The following FOLH1 variants were observed in gnomAD, a reference collection of about 807,000 sequenced individuals.
FOLH1 encodes folate hydrolase 1.
Under a neutral mutation model 93.9 loss-of-function variants are expected in FOLH1, and 54 were observed. The ratio of observed to expected loss-of-function variants is 0.57; its 90% CI spans 0.46 to 0.72. The LOEUF (loss-of-function observed/expected upper bound fraction) is 0.72, where lower values mean the gene tolerates loss of function less well. FOLH1 is among the 30% of genes least tolerant of loss of function. FOLH1 has a pLI of 0.00. For synonymous variants in FOLH1, 249 were observed against 303.6 expected (o/e 0.82, Z 1.87); for missense variants, 571 against 892.5 (o/e 0.64, Z 4.59).
intron 17 of FOLH1, 32 bp downstream of exon 17, chr11:49,153,814 T>C (rs772351958): frequency 8.3e-6 from 12 of 1,446,262 alleles, no homozygotes; most frequent in Non-Finnish European, 1.1e-5. Context: ...TACACACACA[T>C]ACACACATAT....
At chr11:49,170,225 T>A (rs1449574357) in intron 11 of FOLH1, among the ~76,000 whole-genome samples, 2 of 152,236 alleles carry the variant, frequency 1.3e-5, no homozygotes, top group East Asian at 3.8e-4. Flanking sequence ...ACTTTTCAAA[T>A]GGCTTAGTAA....
intron 10 of FOLH1, 71 bp downstream of exon 10, chr11:49,173,286 T>C: frequency 1.4e-6 from 2 of 1,452,862 alleles, no homozygotes; most frequent in Non-Finnish European, 1.8e-6. Context: ...AGTATTTTTA[T>C]ACTCCCTTTA....
At chr11:49,153,263 T>C (rs986236764) in intron 17 of FOLH1, among the ~76,000 whole-genome samples, 7 of 151,522 alleles carry the variant, frequency 4.6e-5, no homozygotes, top group Non-Finnish European at 1.0e-4. Flanking sequence ...ATGTTTAACA[T>C]TTCCAAAATT....
chr11:49,194,668 T>A (rs1043178933), intron 3 of FOLH1, among the ~76,000 whole-genome samples: 23 of 151,982 alleles, frequency 1.5e-4, no homozygotes, highest in African/African-American at 5.5e-4. Flanking sequence ...GAAAAAAGAA[T>A]AATTAAAAAG....
At chr11:49,165,475 C>T (rs1050979635) in intron 12 of FOLH1, among the ~76,000 whole-genome samples, 8 of 152,140 alleles carry the variant, frequency 5.3e-5, no homozygotes, top group African/African-American at 1.7e-4. Context: ...AAGTGAAGCA[C>T]CCAGGAGAGG....
At chr11:49,194,245 G>A (rs1347857653) in intron 3 of FOLH1, among the ~76,000 whole-genome samples, 1 of 151,634 alleles carries the variant, frequency 6.6e-6, no homozygotes, top group Non-Finnish European at 1.5e-5. Flanking sequence ...GGAAAAAAGG[G>A]TTCCAGATAA....
In FOLH1 at chr11:49,145,304, C is replaced by G. The variant is rs3872565; in HGVS notation, c.*1452G>C. Among the ~76,000 whole-genome samples the G allele has an allele frequency of 0.036, 5,417 of 152,062 alleles. 131 individuals are homozygous for G. The highest frequency in any genetic ancestry group is 0.055 in the Non-Finnish European group (3,720 of 67,974). On this transcript the variant is annotated 3_prime_UTR_variant, in exon 19 of 19. Transcript: ENST00000256999. ...TTTTCAATCTGCTTTCTGTGTGCAC[C>G]CTTGGCAAACTCTGGCAATGCAAAT...
intron 17 of FOLH1, among the ~76,000 whole-genome samples, 191 bp from the exon 18 acceptor site, chr11:49,148,922 T>A (rs1856102825): frequency 6.6e-6 from 1 of 152,150 alleles, no homozygotes; most frequent in Non-Finnish European, 1.5e-5. Flanking sequence ...GCCCTCCTCC[T>A]TTGTGGAATT....
intron 16 of FOLH1, 124 bp from the exon 17 acceptor site, chr11:49,154,051 T>C (rs1167778411): frequency 1.5e-6 from 2 of 1,318,694 alleles, no homozygotes; most frequent in African/African-American, 3.0e-5. Context: ...GGTATTTATA[T>C]TTTTATATTA....
At chr11:49,190,853 G>A (rs560858435) in intron 4 of FOLH1, among the ~76,000 whole-genome samples, 1 of 152,274 alleles carries the variant, frequency 6.6e-6, no homozygotes, top group Admixed American at 6.5e-5. Flanking sequence ...ACGGAATCTA[G>A]CTCTGTCGCC....
intron 3 of FOLH1, among the ~76,000 whole-genome samples, chr11:49,194,718 C>G (rs901050175): frequency 6.6e-6 from 1 of 151,794 alleles, no homozygotes; most frequent in Non-Finnish European, 1.5e-5. Context: ...TACCAATTGA[C>G]AAGCAGTGAC....
chr11:49,148,433 G>C (rs1856023042), intron 18 of FOLH1, among the ~76,000 whole-genome samples: 1 of 150,868 alleles, frequency 6.6e-6, no homozygotes, highest in African/African-American at 2.4e-5. Flanking sequence ...TTTATAATCA[G>C]AACAAAGATA....
intron 13 of FOLH1, 122 bp downstream of exon 13, chr11:49,164,583 T>C: frequency 9.2e-6 from 6 of 655,090 alleles, no homozygotes; most frequent in African/African-American, 1.8e-5. Flanking sequence ...AGATGTGATG[T>C]CATATATGTT....
In FOLH1 at chr11:49,193,667, GA is replaced by G. The variant is rs200332574; in HGVS notation, c.412-774del. The stretch of plus-strand genomic sequence containing the variant: ...TTTTTTTAAGTTTAAAATTAAATTG[GA>G]AAAAAAATAGTAAGGAATATTCAGA... On this transcript the variant is annotated intron_variant, in intron 3 of 18. Transcript: ENST00000256999. 7.9e-3 allele frequency among the ~76,000 whole-genome samples: 1,199 copies of G among 151,268 alleles called. 16 individuals are homozygous for G. The highest frequency in any genetic ancestry group is 0.027 in the African/African-American group (1,124 of 41,216).
intron 2 of FOLH1, among the ~76,000 whole-genome samples, chr11:49,201,253 A>AAGAT (rs1555010801): frequency 1.7e-4 from 18 of 108,448 alleles, no homozygotes; most frequent in African/African-American, 4.7e-5. Context: ...GTAGCATGAA[A>AAGAT]AGATATATAT....
At chr11:49,148,775 T>C (rs778050186) in intron 17 of FOLH1, 44 bp from the exon 18 acceptor site, 1 of 1,483,604 alleles carries the variant, frequency 6.7e-7, no homozygotes, top group East Asian at 2.4e-5. Flanking sequence ...TGAAAATATG[T>C]TTCTACTCAG....
intron 17 of FOLH1, among the ~76,000 whole-genome samples, chr11:49,151,429 GACAC>G (rs58768462): frequency 1.1e-4 from 17 of 151,504 alleles, no homozygotes; most frequent in African/African-American, 3.9e-4. Context: ...CACACACACA[GACAC>G]ACACACACAC....
chr11:49,154,068 G>T, intron 16 of FOLH1, 141 bp from the exon 17 acceptor site: 1 of 1,335,502 alleles, frequency 7.5e-7, no homozygotes, highest in Non-Finnish European at 1.0e-6. Flanking sequence ...ATTATAAGAC[G>T]TGAGCATCCA....
intron 7 of FOLH1, among the ~76,000 whole-genome samples, chr11:49,179,694 C>A (rs1177482119): frequency 1.3e-5 from 2 of 151,610 alleles, no homozygotes; most frequent in African/African-American, 4.8e-5. Flanking sequence ...AGAAACTGGA[C>A]AAAGAAAACT....
Sources: gnomAD v4.1 joint callset for allele counts (sites outside exome capture counted in the v4.1 genomes callset) on GRCh38, gnomAD v4.1.1 for gene constraint, MANE v1.5 for transcripts, NCBI Gene and HGNC (gene_info 2026-07-23, HGNC 2026-07-21) for gene names.